Variants in PTGIS observed in about 807,000 individuals in gnomAD.
PTGIS encodes prostacyclin synthase.
PTGIS carries 45 observed loss-of-function variants against 50.3 expected under a neutral mutation model. That is an observed-to-expected ratio of 0.90 (90% CI 0.70 to 1.15). PTGIS has a LOEUF of 1.15. PTGIS is among the 50% of genes most tolerant of loss of function. The pLI is 0.00. For synonymous variants in PTGIS, 260 were observed against 267.7 expected (o/e 0.97, Z 0.28); for missense variants, 668 against 661.3 (o/e 1.01, Z -0.11).
In PTGIS at chr20:49,514,360, G is replaced by A; in HGVS notation, c.891C>T (p.Leu297=). 1 of 1,614,074 alleles carries A rather than the reference G, an allele frequency of 6.2e-7. No homozygotes were observed. The highest frequency in any genetic ancestry group is 2.2e-5 in the East Asian group (1 of 44,884). The part of the protein sequence containing the change: ...NMGPAAFWLL[L]FLLKNPEALA... The stretch of plus-strand genomic sequence containing the variant: ...GGGCTTCAGGATTCTTGAGAAGGAA[G>A]AGCAGGAGCCAGAAGGCAGCGGGAC... The change falls in exon 7 of 10, where the codon CTC becomes CTT. Residue 297 remains leucine, a synonymous_variant. Coordinates refer to ENST00000244043, the MANE Select transcript of PTGIS (RefSeq NM_000961.4).
chr20:49,527,033 C>T (rs1187822791), intron 5 of PTGIS, among the ~76,000 whole-genome samples: 2 of 152,138 alleles, frequency 1.3e-5, no homozygotes, highest in African/African-American at 4.8e-5. Context: ...ATGTTCATAG[C>T]AGCATTATTC....
intron 1 of PTGIS, among the ~76,000 whole-genome samples, chr20:49,551,096 A>C (rs75550480): frequency 6.6e-6 from 1 of 152,060 alleles, no homozygotes; most frequent in Non-Finnish European, 1.5e-5. Context: ...AGTCCCAGTT[A>C]CTCGGGAGGC....
chr20:49,559,417 C>T (rs141297449), intron 1 of PTGIS, among the ~76,000 whole-genome samples: 1 of 152,302 alleles, frequency 6.6e-6, no homozygotes, highest in East Asian at 1.9e-4. Context: ...CTTGCTTTCA[C>T]GTTACTCTGT....
chr20:49,522,423 GC>G (rs1473081247), intron 6 of PTGIS, among the ~76,000 whole-genome samples: 2 of 151,236 alleles, frequency 1.3e-5, no homozygotes, highest in Admixed American at 6.6e-5. Context: ...TTGACTCTCT[GC>G]CCCCTGTCCT....
At chr20:49,554,995 G>A (rs1244714400) in intron 1 of PTGIS, among the ~76,000 whole-genome samples, 2 of 152,182 alleles carry the variant, frequency 1.3e-5, no homozygotes, top group Non-Finnish European at 2.9e-5. Context: ...TTTAGGCCAG[G>A]TGTGGTGGCT....
intron 1 of PTGIS, among the ~76,000 whole-genome samples, chr20:49,560,510 G>A (rs1159779408): frequency 6.6e-6 from 1 of 152,176 alleles, no homozygotes; most frequent in Non-Finnish European, 1.5e-5. Flanking sequence ...GCCCAAAAGG[G>A]TGAACTAAAT....
At chr20:49,516,180 G>A (rs1046965486) in intron 6 of PTGIS, among the ~76,000 whole-genome samples, 2 of 152,024 alleles carry the variant, frequency 1.3e-5, no homozygotes. Context: ...CCAGAAACGG[G>A]TAACTGAGGT....
chr20:49,548,652 G>T (rs1601199250), intron 2 of PTGIS, among the ~76,000 whole-genome samples: 1 of 152,006 alleles, frequency 6.6e-6, no homozygotes, highest in Non-Finnish European at 1.5e-5. Flanking sequence ...GTAAATTCCA[G>T]TGGGTGGATT....
At chr20:49,565,546 T>A (rs1437375845) in intron 1 of PTGIS, among the ~76,000 whole-genome samples, 1 of 152,034 alleles carries the variant, frequency 6.6e-6, no homozygotes, top group Non-Finnish European at 1.5e-5. Context: ...ACACCTGTAG[T>A]CCCACCTACT....
intron 1 of PTGIS, among the ~76,000 whole-genome samples, chr20:49,554,442 C>T (rs1299883301): frequency 3.3e-5 from 5 of 152,046 alleles, no homozygotes; most frequent in African/African-American, 1.2e-4. Context: ...TTTTAAAGTC[C>T]TGGTGCTGTT....
At chr20:49,547,605 CCAAACAAACAAACAAA>C (rs113839455) in intron 3 of PTGIS, among the ~76,000 whole-genome samples, 7 of 144,488 alleles carry the variant, frequency 4.8e-5, no homozygotes, top group Non-Finnish European at 4.7e-5. Flanking sequence ...AGGGCTGCCT[CCAAACAAACAAACAAA>C]CAAACAAACA....
At chr20:49,513,582 C>T (rs1981386822) in intron 7 of PTGIS, among the ~76,000 whole-genome samples, 1 of 152,128 alleles carries the variant, frequency 6.6e-6, no homozygotes, top group Non-Finnish European at 1.5e-5. Flanking sequence ...GCATATATTT[C>T]TCTTCTGGAA....
chr20:49,522,616 C>T lies in PTGIS; in HGVS notation c.855+1442G>A, dbSNP rs375437816. Among the ~76,000 whole-genome samples, 12 of 152,258 alleles carry T rather than the reference C, an allele frequency of 7.9e-5. No individual in the cohort carries two copies. The East Asian group carries it at 1.4e-3, about 17-fold the overall frequency. Reference sequence around the variant, plus strand: ...TAGCTGGGACTACAGGTGCACACTACCATGCCCAGTGTCTCAATGGAACTT... The same window carrying T: ...TAGCTGGGACTACAGGTGCACACTATCATGCCCAGTGTCTCAATGGAACTT... On this transcript the variant is annotated intron_variant, in intron 6 of 9. Coordinates refer to ENST00000244043, the MANE Select transcript of PTGIS (RefSeq NM_000961.4).
At position 49,507,904 on chromosome 20, in the gene PTGIS, C is replaced by T; in HGVS notation, c.*16G>A. 6.2e-7 allele frequency: 1 copy of T among 1,609,848 alleles called. No individual in the cohort carries two copies. Among genetic ancestry groups the T allele is most frequent in the Non-Finnish European group, 8.5e-7 (1 of 1,179,986 alleles). On this transcript the variant is annotated 3_prime_UTR_variant, in exon 10 of 10. Coordinates refer to ENST00000244043, the MANE Select transcript of PTGIS (RefSeq NM_000961.4). ...GCTGGGCAGAGGCGAGCACGTGGAT[C>T]CATCTGCTCCCTGTGTCATGGGCGG...
At position 49,526,341 on chromosome 20, in the gene PTGIS, CTTTG is replaced by C. The variant is rs1433343258; in HGVS notation, c.674-2106_674-2103del. 1.9e-3 allele frequency among the ~76,000 whole-genome samples: 297 copies of C among 152,318 alleles called. 1 individual carries two copies. Among genetic ancestry groups the C allele is most frequent in the African/African-American group, 7.0e-3 (291 of 41,572 alleles). On this transcript the variant is annotated intron_variant, in intron 5 of 9. Coordinates refer to ENST00000244043, the MANE Select transcript of PTGIS (RefSeq NM_000961.4). ...CACAGCTTTAGAAATAACTGGCATT[CTTTG>C]AAGTCTGACCACACAACTGCAATCT...
chr20:49,520,288 CTGCCTTCCTGCTGCA>C (rs1198627403), intron 6 of PTGIS, among the ~76,000 whole-genome samples: 1 of 152,116 alleles, frequency 6.6e-6, no homozygotes, highest in Non-Finnish European at 1.5e-5. Context: ...CTTCCTGGGC[CTGCCTTCCTGCTGCA>C]TCTCTTCTCC....
intron 1 of PTGIS, among the ~76,000 whole-genome samples, chr20:49,563,005 A>T (rs1982814720): frequency 6.6e-6 from 1 of 152,160 alleles, no homozygotes; most frequent in Admixed American, 6.5e-5. Flanking sequence ...AGTTGCTGAG[A>T]GGGTTAAGAA....
intron 1 of PTGIS, among the ~76,000 whole-genome samples, chr20:49,561,632 C>G (rs1377298144): frequency 6.6e-6 from 1 of 152,198 alleles, no homozygotes; most frequent in Non-Finnish European, 1.5e-5. Context: ...TCACGATGAG[C>G]CCAAACTTTA....
chr20:49,530,693 C>T (rs1385065446), intron 5 of PTGIS, among the ~76,000 whole-genome samples: 1 of 152,092 alleles, frequency 6.6e-6, no homozygotes, highest in Admixed American at 6.5e-5. Context: ...ATACCTGTTG[C>T]CATTTGTATG....
Sources: allele counts gnomAD v4.1 joint callset (sites outside exome capture counted in the v4.1 genomes callset), GRCh38; gene constraint gnomAD v4.1.1; transcripts MANE v1.5; gene names NCBI Gene and HGNC (gene_info 2026-07-23, HGNC 2026-07-21).